C19orf47: variants seen among roughly 807,000 people sequenced by gnomAD.
C19orf47 encodes chromosome 19 open reading frame 47.
A neutral mutation model predicts 32.3 loss-of-function variants in C19orf47; 18 were observed. The observed-to-expected ratio is 0.56, with a 90% CI of 0.39 to 0.83. The LOEUF is 0.83. C19orf47 is among the 40% of genes least tolerant of loss of function. The probability of loss-of-function intolerance (pLI) is 0.00; values close to 1 mark genes in which losing one functional copy is unlikely to be tolerated. For synonymous variants in C19orf47, 202 were observed against 211.1 expected, an observed-to-expected ratio of 0.96 and a Z score of 0.37; for missense variants, 484 against 531.6, an observed-to-expected ratio of 0.91 and a Z score of 0.88.
chr19:40,303,952 C>T, the C19orf47 span, among the ~76,000 whole-genome samples: 1 of 152,212 alleles, frequency 6.6e-6, no homozygotes, highest in East Asian at 1.9e-4. Flanking sequence ...CAATTGGCTG[C>T]CCTCCAGGCT....
rs781576239 is a variant in C19orf47 at position 40,321,685 on chromosome 19, G to A, written c.*197C>T. On this transcript the variant is annotated 3_prime_UTR_variant, in exon 9 of 9. Transcript: ENST00000683109. ...TGAGAGAAGGGGAGTCCTGGAGCAG[G>A]CCAGGCCAGCTGCGACGACCATCCC... 4 of 1,415,446 alleles carry A rather than the reference G, an allele frequency of 2.8e-6. No individual in the cohort carries two copies. The highest frequency in any genetic ancestry group is 2.8e-6 in the Non-Finnish European group (3 of 1,090,802). The allele number at this position is 1,415,446 out of a possible 1,614,324, so 87.7% of individuals were successfully genotyped here.
At chr19:40,293,851 C>T in the C19orf47 span, among the ~76,000 whole-genome samples, 1 of 151,928 alleles carries the variant, frequency 6.6e-6, no homozygotes, top group South Asian at 2.1e-4. Flanking sequence ...CCGGGCGCAG[C>T]GGCTCATGCC....
chr19:40,304,599 A>G, the C19orf47 span, among the ~76,000 whole-genome samples: 2 of 152,154 alleles, frequency 1.3e-5, no homozygotes, highest in Non-Finnish European at 2.9e-5. Context: ...ACCACCTCCT[A>G]GAAGCCGCAA....
At chr19:40,302,896 G>A in the C19orf47 span, among the ~76,000 whole-genome samples, 6 of 152,144 alleles carry the variant, frequency 3.9e-5, no homozygotes, top group Non-Finnish European at 8.8e-5. Flanking sequence ...AGAGACTTCA[G>A]ATAAATCACC....
the C19orf47 span, among the ~76,000 whole-genome samples, chr19:40,297,701 GAAAAAAA>G: frequency 1.9e-4 from 21 of 110,862 alleles, no homozygotes; most frequent in African/African-American, 4.3e-4. Context: ...CTCCGTCTCG[GAAAAAAA>G]AAAAAAAAAA....
chr19:40,321,666 A>G lies in C19orf47; in HGVS notation c.*216T>C. On this transcript the variant is annotated 3_prime_UTR_variant, in exon 9 of 9. Coordinates refer to ENST00000683109, the MANE Select transcript of C19orf47 (RefSeq NM_001256441.2). ...GAAGAAAGCACAGAGGACATGAGAG[A>G]AGGGGAGTCCTGGAGCAGGCCAGGC... 1 of 1,392,152 alleles carries G rather than the reference A, an allele frequency of 7.2e-7. No individual in the cohort carries two copies. The highest frequency in any genetic ancestry group is 9.3e-7 in the Non-Finnish European group (1 of 1,079,244). The allele number at this position is 1,392,152 out of a possible 1,614,324, so 86.2% of individuals were successfully genotyped here.
At chr19:40,337,673 G>A (rs962492961) in intron 2 of C19orf47, among the ~76,000 whole-genome samples, 15 of 152,106 alleles carry the variant, frequency 9.9e-5, no homozygotes, top group South Asian at 4.1e-4. Context: ...GAGACTCAGA[G>A]CAGGGAAACA....
the C19orf47 span, among the ~76,000 whole-genome samples, chr19:40,311,575 A>G: frequency 6.6e-6 from 1 of 151,982 alleles, no homozygotes; most frequent in Non-Finnish European, 1.5e-5. Flanking sequence ...AATAAAAAAT[A>G]AACACAAGGA....
the C19orf47 span, among the ~76,000 whole-genome samples, chr19:40,308,838 A>G: frequency 6.6e-6 from 1 of 151,806 alleles, no homozygotes; most frequent in Non-Finnish European, 1.5e-5. Flanking sequence ...GGGAGGCCAA[A>G]GCAGGCAGAT....
rs538308760 is a variant in C19orf47, at chr19:40,323,094, T to G, written c.664-718A>C. ...AATCCTATGTATTGAGCACTCGCTA[T>G]GCGCCCAGCTCTTCATAGGGCTGGA... On this transcript the variant is annotated intron_variant, in intron 8 of 8. Transcript: ENST00000683109. Among the ~76,000 whole-genome samples, 3 of 152,240 alleles carry G rather than the reference T, an allele frequency of 2.0e-5. No homozygotes were observed. In the South Asian group the frequency reaches 6.2e-4, roughly 31 times the overall value.
the C19orf47 span, among the ~76,000 whole-genome samples, chr19:40,294,103 G>A: frequency 6.6e-6 from 1 of 152,122 alleles, no homozygotes; most frequent in Non-Finnish European, 1.5e-5. Flanking sequence ...CTGGGCGACA[G>A]AGCAATAATC....
At chr19:40,325,854 A>G (rs2077818470) in intron 7 of C19orf47, among the ~76,000 whole-genome samples, 1 of 152,138 alleles carries the variant, frequency 6.6e-6, no homozygotes, top group Non-Finnish European at 1.5e-5. Flanking sequence ...ACTATGTTGC[A>G]CGCTTGAACT....
chr19:40,338,294 T>C (rs894629790), intron 2 of C19orf47, among the ~76,000 whole-genome samples: 5 of 113,172 alleles, frequency 4.4e-5, no homozygotes, highest in South Asian at 6.2e-4. Context: ...CACACACAAA[T>C]ATATATATAT....
chr19:40,335,845 G>A (rs1166413000), intron 4 of C19orf47, among the ~76,000 whole-genome samples: 1 of 152,172 alleles, frequency 6.6e-6, no homozygotes, highest in Non-Finnish European at 1.5e-5. Flanking sequence ...TCCTGACTTC[G>A]TGATCCGACC....
At chr19:40,299,735 A>G in the C19orf47 span, among the ~76,000 whole-genome samples, 3 of 152,214 alleles carry the variant, frequency 2.0e-5, no homozygotes, top group Admixed American at 1.3e-4. Context: ...CTCGAAAAAG[A>G]GAGACATTAG....
At chr19:40,327,500 A>G (rs917144382) in intron 6 of C19orf47, among the ~76,000 whole-genome samples, 1 of 152,094 alleles carries the variant, frequency 6.6e-6, no homozygotes, top group Non-Finnish European at 1.5e-5. Context: ...AGGCCAGAAG[A>G]GGGTGAGGCA....
chr19:40,298,254 T>G, the C19orf47 span, among the ~76,000 whole-genome samples: 245 of 149,596 alleles, frequency 1.6e-3, 1 homozygote, highest in Admixed American at 3.7e-3. Flanking sequence ...TGAGCTGAGA[T>G]CATGCCATTG....
the C19orf47 span, among the ~76,000 whole-genome samples, chr19:40,297,278 T>C: frequency 6.6e-6 from 1 of 152,052 alleles, no homozygotes; most frequent in Non-Finnish European, 1.5e-5. Flanking sequence ...AAATGGTGAA[T>C]AGTGGGGACA....
At chr19:40,298,158 TA>T in the C19orf47 span, among the ~76,000 whole-genome samples, 1 of 151,264 alleles carries the variant, frequency 6.6e-6, no homozygotes, top group South Asian at 2.1e-4. Flanking sequence ...GTGAAATAAA[TA>T]AATGTAAGTA....
Sources: allele counts gnomAD v4.1 joint callset (sites outside exome capture counted in the v4.1 genomes callset), GRCh38; gene constraint gnomAD v4.1.1; transcripts MANE v1.5; gene names NCBI Gene and HGNC (gene_info 2026-07-23, HGNC 2026-07-21).